ZNF385D: variants seen among roughly 807,000 people sequenced by gnomAD.
ZNF385D encodes the protein zinc finger protein 659.
A neutral mutation model predicts 35.8 loss-of-function variants in ZNF385D; 15 were observed. The ratio of observed to expected loss-of-function variants is 0.42; its 90% CI spans 0.28 to 0.64. The LOEUF is 0.64. Among genes scored for constraint, ZNF385D ranks in the 30% least tolerant of loss-of-function variants. The pLI is 0.23. For synonymous variants in ZNF385D, 212 were observed against 186.8 expected (o/e 1.13, Z -1.10); for missense variants, 474 against 494.6 (o/e 0.96, Z 0.39).
chr3:21,729,472 G>T (rs985199461), intron 1 of ZNF385D, among the ~76,000 whole-genome samples: 5 of 152,074 alleles, frequency 3.3e-5, no homozygotes, highest in Non-Finnish European at 7.4e-5. Flanking sequence ...GTGGAAGGCA[G>T]TGTGACTTAA....
At chr3:22,317,495 T>C (rs115051984) in intron 2 of ZNF385D, among the ~76,000 whole-genome samples, 3 of 152,108 alleles carry the variant, frequency 2.0e-5, no homozygotes, top group Non-Finnish European at 4.4e-5. Context: ...TGGGACTTTA[T>C]CTACGTAATA....
At chr3:21,444,914 G>C (rs909873458) in intron 4 of ZNF385D, among the ~76,000 whole-genome samples, 9 of 152,170 alleles carry the variant, frequency 5.9e-5, no homozygotes, top group African/African-American at 2.2e-4. Context: ...AAGAGGTGGT[G>C]ATCAGGACCA....
intron 3 of ZNF385D, among the ~76,000 whole-genome samples, chr3:21,908,012 G>C (rs185447): frequency 0.025 from 3,832 of 152,126 alleles, 82 homozygotes; most frequent in Non-Finnish European, 0.035. Flanking sequence ...AAGAACTGAA[G>C]ATACCATATT....
chr3:22,300,477 G>C (rs1158297797), intron 2 of ZNF385D, among the ~76,000 whole-genome samples: 2 of 151,460 alleles, frequency 1.3e-5, no homozygotes, highest in Non-Finnish European at 3.0e-5. Flanking sequence ...GTACAGCAAA[G>C]AGAACAATCA....
At chr3:21,955,453 A>G (rs1702240970) in intron 3 of ZNF385D, among the ~76,000 whole-genome samples, 1 of 152,112 alleles carries the variant, frequency 6.6e-6, no homozygotes, top group South Asian at 2.1e-4. Context: ...CTGGCCAATA[A>G]ATATCACCTA....
intron 1 of ZNF385D, among the ~76,000 whole-genome samples, chr3:21,717,335 T>C (rs2125436359): frequency 6.6e-6 from 1 of 152,304 alleles, no homozygotes; most frequent in East Asian, 1.9e-4. Context: ...CACAGGAGGA[T>C]ATTCTGAAAC....
At chr3:22,071,425 G>T (rs1323425070) in intron 3 of ZNF385D, among the ~76,000 whole-genome samples, 1 of 152,102 alleles carries the variant, frequency 6.6e-6, no homozygotes, top group Non-Finnish European at 1.5e-5. Flanking sequence ...CTTCATACTA[G>T]AGGTCACTAG....
At chr3:22,187,788 G>A (rs1375807630) in intron 2 of ZNF385D, among the ~76,000 whole-genome samples, 1 of 152,138 alleles carries the variant, frequency 6.6e-6, no homozygotes, top group African/African-American at 2.4e-5. Flanking sequence ...GGACAGCGAT[G>A]GTAGCTGTCC....
intron 2 of ZNF385D, among the ~76,000 whole-genome samples, chr3:22,334,600 T>G (rs1695083117): frequency 6.6e-6 from 1 of 152,186 alleles, no homozygotes; most frequent in South Asian, 2.1e-4. Context: ...CATCTGACCA[T>G]AATAGTTGAA....
intron 2 of ZNF385D, among the ~76,000 whole-genome samples, chr3:22,211,113 TAGA>T (rs1345969384): frequency 2.0e-5 from 3 of 151,896 alleles, no homozygotes; most frequent in African/African-American, 4.8e-5. Flanking sequence ...CTGATTTAAG[TAGA>T]AGGAGTGTGT....
At chr3:22,192,218 C>G (rs538329273) in intron 2 of ZNF385D, among the ~76,000 whole-genome samples, 1 of 152,254 alleles carries the variant, frequency 6.6e-6, no homozygotes, top group African/African-American at 2.4e-5. Flanking sequence ...ATTTGGTGTT[C>G]AGATGCTGAG....
At chr3:21,946,131 A>G (rs753691289) in intron 3 of ZNF385D, among the ~76,000 whole-genome samples, 1 of 152,180 alleles carries the variant, frequency 6.6e-6, no homozygotes, top group African/African-American at 2.4e-5. Context: ...GGTGAACCAC[A>G]AAATTAGGAT....
intron 2 of ZNF385D, among the ~76,000 whole-genome samples, chr3:21,603,891 G>A (rs1180114866): frequency 2.6e-5 from 4 of 152,152 alleles, no homozygotes; most frequent in Middle Eastern, 3.2e-3. Context: ...GGGAGGCATA[G>A]CCACGCAATT....
intron 3 of ZNF385D, among the ~76,000 whole-genome samples, chr3:22,164,747 T>C (rs1271327816): frequency 6.6e-6 from 1 of 152,034 alleles, no homozygotes; most frequent in Non-Finnish European, 1.5e-5. Context: ...CAGAAAAGTA[T>C]GATATAGCCA....
At chr3:22,007,458 A>G (rs865978192) in intron 3 of ZNF385D, among the ~76,000 whole-genome samples, 3 of 152,216 alleles carry the variant, frequency 2.0e-5, no homozygotes, top group Non-Finnish European at 2.9e-5. Context: ...AACCTTGTGT[A>G]TAAGTTGTTT....
chr3:22,101,571 C>A (rs577124655), intron 3 of ZNF385D, among the ~76,000 whole-genome samples: 1 of 152,122 alleles, frequency 6.6e-6, no homozygotes, highest in East Asian at 1.9e-4. Context: ...TCTATAAGTT[C>A]TATTTATACT....
chr3:21,495,511 CA>C (rs1280573226), intron 4 of ZNF385D, among the ~76,000 whole-genome samples: 5 of 152,132 alleles, frequency 3.3e-5, no homozygotes. Flanking sequence ...CTAATGAGTG[CA>C]AAGGTACAAC....
chr3:21,455,748 T>G (rs1270527502), intron 4 of ZNF385D, among the ~76,000 whole-genome samples: 1 of 152,098 alleles, frequency 6.6e-6, no homozygotes, highest in African/African-American at 2.4e-5. Context: ...TGGGACCTAA[T>G]TAAACTAAAG....
At chr3:21,726,097 T>G (rs1357080253) in intron 1 of ZNF385D, among the ~76,000 whole-genome samples, 43 of 152,250 alleles carry the variant, frequency 2.8e-4, no homozygotes. Context: ...TCTCAATAGA[T>G]GTAGAGAAGG....
Sources: allele counts gnomAD v4.1 joint callset (sites outside exome capture counted in the v4.1 genomes callset), GRCh38; gene constraint gnomAD v4.1.1; transcripts MANE v1.5; gene names NCBI Gene and HGNC (gene_info 2026-07-23, HGNC 2026-07-21).